KIAA1958: variants seen among roughly 807,000 people sequenced by gnomAD.
The protein encoded by KIAA1958 is uncharacterized protein KIAA1958.
In KIAA1958, 14 loss-of-function variants were observed where a neutral mutation model predicts 47.2. That is an observed-to-expected ratio of 0.30 (90% CI 0.20 to 0.46). The LOEUF is 0.46. Among genes scored for constraint, KIAA1958 ranks in the 20% least tolerant of loss-of-function variants. The pLI is 1.00. For missense variants in KIAA1958, 803 were observed against 909.2 expected, an observed-to-expected ratio of 0.88 and a Z score of 1.50; for synonymous variants, 354 against 353.3, an observed-to-expected ratio of 1.00 and a Z score of -0.02.
chr9:112,491,402 A>T (rs1271362373), intron 1 of KIAA1958, among the ~76,000 whole-genome samples: 2 of 152,234 alleles, frequency 1.3e-5, no homozygotes, highest in Non-Finnish European at 2.9e-5. Flanking sequence ...ACCTAGCACC[A>T]GGGAGTAGCT....
chr9:112,641,134 T>C (rs918992843), intron 2 of KIAA1958, among the ~76,000 whole-genome samples: 5 of 152,184 alleles, frequency 3.3e-5, no homozygotes, highest in Non-Finnish European at 7.4e-5. Context: ...TTCCCCTTTG[T>C]TCTATCCATT....
rs1837377045 is a variant in KIAA1958 at position 112,668,252 on chromosome 9, T to C, written c.*8183T>C. The C allele has an allele frequency of 6.6e-6, 1 of 152,060 alleles. No individual in the cohort carries two copies. The highest frequency in any genetic ancestry group is 6.6e-5 in the Admixed American group (1 of 15,258). The allele number at this position is 152,060 out of a possible 1,614,324, so 9.4% of individuals were successfully genotyped here. On this transcript the variant is annotated 3_prime_UTR_variant, in exon 4 of 4. Coordinates refer to ENST00000337530, the MANE Select transcript of KIAA1958 (RefSeq NM_133465.4). ...GCTCAAACGCAGAACTAAAAATGGG[T>C]ATAAAGTCAGAAAATTGCAGAATAT...
chr9:112,572,008 G>T (rs2593681), intron 1 of KIAA1958, among the ~76,000 whole-genome samples: 145,102 of 151,892 alleles, frequency 0.96, 69,384 homozygotes, highest in African/African-American at 0.99. Flanking sequence ...TCCTGGCATT[G>T]TAGGCTTAGA....
chr9:112,523,922 T>C (rs996685673), intron 1 of KIAA1958, among the ~76,000 whole-genome samples: 2 of 152,208 alleles, frequency 1.3e-5, no homozygotes, highest in African/African-American at 4.8e-5. Flanking sequence ...CCTCCACATA[T>C]ACAAAAGGCT....
chr9:112,510,445 T>C (rs1398298565), intron 1 of KIAA1958, among the ~76,000 whole-genome samples: 1 of 152,234 alleles, frequency 6.6e-6, no homozygotes, highest in African/African-American at 2.4e-5. Flanking sequence ...CTTCAGCATG[T>C]TTAAAATTTC....
intron 3 of KIAA1958, among the ~76,000 whole-genome samples, chr9:112,655,544 C>A (rs200558241): frequency 6.6e-6 from 1 of 152,188 alleles, no homozygotes. Flanking sequence ...ACACAGGTGC[C>A]GCTGCTCACC....
intron 1 of KIAA1958, among the ~76,000 whole-genome samples, chr9:112,503,278 G>A (rs1226031125): frequency 6.6e-6 from 1 of 152,166 alleles, no homozygotes; most frequent in Non-Finnish European, 1.5e-5. Context: ...CAGGTATCTG[G>A]AGGAAGAGCA....
In KIAA1958 at chr9:112,632,501, C is replaced by T. The variant is rs553658543; in HGVS notation, c.1172-13149C>T. Reference sequence around the variant, plus strand: ...CATCATTCAGTATTGGCTGAGAATGCAAGCTCCCAGCAGCCTGGCCAACAT... The same window carrying T: ...CATCATTCAGTATTGGCTGAGAATGTAAGCTCCCAGCAGCCTGGCCAACAT... On this transcript the variant is annotated intron_variant, in intron 2 of 3. Transcript: ENST00000337530. Among the ~76,000 whole-genome samples the T allele has an allele frequency of 9.2e-5, 14 of 152,262 alleles. No homozygotes were observed. In the South Asian group the frequency reaches 2.7e-3, roughly 29 times the overall value.
chr9:112,617,328 C>G (rs568888015), intron 2 of KIAA1958, among the ~76,000 whole-genome samples: 15 of 152,160 alleles, frequency 9.9e-5, no homozygotes, highest in Non-Finnish European at 2.2e-4. Flanking sequence ...ACCCAAATTG[C>G]TGTAGAACAA....
In KIAA1958 at chr9:112,515,198, C is replaced by A. The variant is rs1484861663; in HGVS notation, c.-25+28080C>A. ...CCCTCTGCCCGGCCAGCCGCCCCGT[C>A]CGGGAGGAAGGTGGGGGGGTCAGCC... On this transcript the variant is annotated intron_variant, in intron 1 of 3. Transcript: ENST00000337530. Among the ~76,000 whole-genome samples the A allele has an allele frequency of 1.1e-3, 115 of 104,464 alleles. 1 individual carries two copies. Among genetic ancestry groups the A allele is most frequent in the African/African-American group, 3.9e-3 (109 of 27,916 alleles). The allele number at this position is 104,464 out of a possible 152,430, so 68.5% of individuals were successfully genotyped here. A position where few individuals can be genotyped will look rare whatever the true frequency, so the allele number is the denominator to read the frequency against.
chr9:112,520,590 A>G (rs947905204), intron 1 of KIAA1958, among the ~76,000 whole-genome samples: 1 of 152,236 alleles, frequency 6.6e-6, no homozygotes, highest in African/African-American at 2.4e-5. Context: ...AAACAGAGAA[A>G]TGAACAGGGT....
intron 1 of KIAA1958, among the ~76,000 whole-genome samples, chr9:112,535,853 TC>T (rs1352536701): frequency 2.6e-5 from 4 of 152,216 alleles, no homozygotes; most frequent in Non-Finnish European, 5.9e-5. Flanking sequence ...ACACTTTTTT[TC>T]ATCTACCTGT....
chr9:112,660,070 G>C lies in KIAA1958; in HGVS notation c.*1G>C. 6.2e-7 allele frequency: 1 copy of C among 1,611,498 alleles called. No homozygotes were observed. Among genetic ancestry groups the C allele is most frequent in the East Asian group, 2.2e-5 (1 of 44,876 alleles). The stretch of plus-strand genomic sequence containing the variant: ...TGGCTCCCACAGCTGCTGCCAGTGA[G>C]CCCCCACTGGGGCCCGGCCACTGCC... On this transcript the variant is annotated 3_prime_UTR_variant, in exon 4 of 4. Transcript: ENST00000337530.
chr9:112,543,098 A>G (rs1245450544), intron 1 of KIAA1958, among the ~76,000 whole-genome samples: 2 of 152,200 alleles, frequency 1.3e-5, no homozygotes, highest in Non-Finnish European at 2.9e-5. Flanking sequence ...GATCTCATAA[A>G]TCAAGCATTC....
chr9:112,561,969 C>T (rs1412613939), intron 1 of KIAA1958, among the ~76,000 whole-genome samples: 4 of 152,130 alleles, frequency 2.6e-5, no homozygotes, highest in Non-Finnish European at 4.4e-5. Flanking sequence ...CTCCCAGAGA[C>T]GGAGATGTCT....
intron 1 of KIAA1958, among the ~76,000 whole-genome samples, chr9:112,506,680 A>T (rs1834240892): frequency 6.7e-6 from 1 of 150,218 alleles, no homozygotes; most frequent in Admixed American, 6.6e-5. Context: ...AAATTTCAGA[A>T]GTTTTTGCTT....
chr9:112,508,373 A>G (rs114888850), intron 1 of KIAA1958, among the ~76,000 whole-genome samples: 259 of 152,338 alleles, frequency 1.7e-3, no homozygotes, highest in African/African-American at 5.9e-3. Flanking sequence ...GCAGTCTAGA[A>G]AGGAAAAATT....
chr9:112,585,867 C>T (rs72766106), intron 2 of KIAA1958, among the ~76,000 whole-genome samples: 2,254 of 152,216 alleles, frequency 0.015, 25 homozygotes, highest in Non-Finnish European at 0.024. Context: ...GTTAAGTCCT[C>T]TATATGTAGG....
chr9:112,586,665 A>T (rs1166449056), intron 2 of KIAA1958, among the ~76,000 whole-genome samples: 1 of 152,232 alleles, frequency 6.6e-6, no homozygotes, highest in Non-Finnish European at 1.5e-5. Flanking sequence ...GTGTATGATT[A>T]AGACTTCCAA....
Sources: allele counts gnomAD v4.1 joint callset (sites outside exome capture counted in the v4.1 genomes callset), GRCh38; gene constraint gnomAD v4.1.1; transcripts MANE v1.5; gene names NCBI Gene and HGNC (gene_info 2026-07-23, HGNC 2026-07-21).